The following SMU1 variants were observed in gnomAD, a reference collection of about 807,000 sequenced individuals.
The protein encoded by SMU1 is WD40 repeat-containing protein SMU1.
In SMU1, 2 loss-of-function variants were observed where a neutral mutation model predicts 62.0. The observed-to-expected ratio is 0.03, with a 90% CI of 0.01 to 0.10. SMU1 has a LOEUF of 0.10. SMU1 is among the 10% of genes least tolerant of loss of function. SMU1 has a pLI of 1.00. For missense variants in SMU1, 227 were observed against 622.1 expected (o/e 0.36, Z 6.76); for synonymous variants, 188 against 212.4 (o/e 0.89, Z 1.00).
intron 10 of SMU1, among the ~76,000 whole-genome samples, chr9:33,048,964 T>C (rs1564019132): frequency 1.3e-5 from 2 of 152,166 alleles, no homozygotes; most frequent in Non-Finnish European, 2.9e-5. Context: ...AAAATTCTGA[T>C]GAAGGATATC....
intron 4 of SMU1, among the ~76,000 whole-genome samples, chr9:33,066,956 G>C (rs960042427): frequency 1.3e-5 from 2 of 151,982 alleles, no homozygotes; most frequent in African/African-American, 4.8e-5. Flanking sequence ...AAAAGAGAAG[G>C]GCCTCAGGAA....
intron 10 of SMU1, among the ~76,000 whole-genome samples, chr9:33,049,764 CCACACACA>C (rs61036431): frequency 1.3e-5 from 2 of 148,406 alleles, no homozygotes; most frequent in Admixed American, 6.8e-5. Context: ...GACCCCATTT[CCACACACA>C]CACACACACA....
At chr9:33,069,543 G>C (rs1401066219) in intron 3 of SMU1, among the ~76,000 whole-genome samples, 1 of 152,230 alleles carries the variant, frequency 6.6e-6, no homozygotes, top group Non-Finnish European at 1.5e-5. Context: ...GCTCACGCCT[G>C]TAATCCCAAC....
At chr9:33,060,015 G>A (rs966195885) in intron 6 of SMU1, among the ~76,000 whole-genome samples, 2 of 151,972 alleles carry the variant, frequency 1.3e-5, no homozygotes, top group East Asian at 3.9e-4. Context: ...TAAACATACC[G>A]TTTTTTGCTT....
At chr9:33,053,977 T>C (rs1021508654) in intron 9 of SMU1, among the ~76,000 whole-genome samples, 5 of 152,178 alleles carry the variant, frequency 3.3e-5, no homozygotes, top group African/African-American at 1.2e-4. Context: ...AAGCTACCCT[T>C]GTCTGGATAT....
chr9:33,047,284 A>C lies in SMU1; in HGVS notation c.*9T>G, dbSNP rs768214549. Reference sequence around the variant, plus strand: ...ATGCTTTCGAGCTGATTTAAAAAGAAAAGTTGAATTATGGTTTCCAGAGCT... The same window carrying C: ...ATGCTTTCGAGCTGATTTAAAAAGACAAGTTGAATTATGGTTTCCAGAGCT... On this transcript the variant is annotated 3_prime_UTR_variant, in exon 12 of 12. Coordinates refer to ENST00000397149, the MANE Select transcript of SMU1 (RefSeq NM_018225.3). The C allele has an allele frequency of 6.3e-7, 1 of 1,586,556 alleles. No homozygotes were observed. Among genetic ancestry groups the C allele is most frequent in the South Asian group, 1.1e-5 (1 of 90,138 alleles).
intron 5 of SMU1, among the ~76,000 whole-genome samples, 186 bp downstream of exon 5, chr9:33,061,863 T>C (rs557234215): frequency 3.9e-5 from 6 of 152,370 alleles, no homozygotes; most frequent in African/African-American, 1.4e-4. Context: ...ATGACACATC[T>C]GAGGTGTACC....
rs1003788846 is a variant in SMU1, at chr9:33,076,494, T to C, written c.26+89A>G. The stretch of plus-strand genomic sequence containing the variant: ...AAATGGCCCTCCACTCCCTGGCCTC[T>C]CGGATGCCTTCTCCCGAGTACCCTC... On this transcript the variant is annotated intron_variant, in intron 1 of 11. Coordinates refer to ENST00000397149, the MANE Select transcript of SMU1 (RefSeq NM_018225.3). 4 of 1,529,210 alleles carry C rather than the reference T, an allele frequency of 2.6e-6. No individual in the cohort carries two copies. The African/African-American group carries it at 5.4e-5, about 21-fold the overall frequency. The allele number at this position is 1,529,210 out of a possible 1,614,324, so 94.7% of individuals were successfully genotyped here.
intron 5 of SMU1, among the ~76,000 whole-genome samples, chr9:33,061,198 G>A (rs1192120029): frequency 6.6e-6 from 1 of 152,108 alleles, no homozygotes; most frequent in Non-Finnish European, 1.5e-5. Flanking sequence ...AGAAAATTAG[G>A]TAGAAAGAAC....
intron 4 of SMU1, among the ~76,000 whole-genome samples, chr9:33,062,596 C>T (rs1288295364): frequency 6.6e-6 from 1 of 152,020 alleles, no homozygotes; most frequent in Non-Finnish European, 1.5e-5. Context: ...TTTATTTTCT[C>T]CTGTTTTCAC....
Position 33,048,133 on chromosome 9 carries a change from G to A in SMU1, c.1416C>T (p.Val472=). 5 of 1,614,032 alleles carry A rather than the reference G, an allele frequency of 3.1e-6. No homozygotes were observed. The highest frequency in any genetic ancestry group is 1.3e-5 in the African/African-American group (1 of 74,990). ...TCAAAGTTCTCTCCAGTTTGCCAGT[G>A]ACTGTACTGAAACAGTAGAGCACAA... The part of the protein sequence containing the change: ...EDFVLYCFST[V]TGKLERTLTV... Residue 472 remains valine (V), a synonymous_variant, in exon 11 of 12, where the codon GTC becomes GTT. Coordinates refer to ENST00000397149, the MANE Select transcript of SMU1 (RefSeq NM_018225.3).
At position 33,047,300 on chromosome 9, in the gene SMU1, T is replaced by C; in HGVS notation, c.1535A>G (p.Lys512Arg). Residue 512 changes from lysine to arginine, a missense_variant, in exon 12 of 12, where the codon AAA (lysine) becomes AGA (arginine). Lys to Arg is a conservative substitution (Grantham distance 26). Transcript: ENST00000397149. ...YSEDGLLKLW[K>R]P Reference sequence around the variant, plus strand: ...TTAAAAAGAAAAGTTGAATTATGGTTTCCAGAGCTTTAGGAGTCCATCTTC... The same window carrying C: ...TTAAAAAGAAAAGTTGAATTATGGTCTCCAGAGCTTTAGGAGTCCATCTTC... The C allele has an allele frequency of 6.2e-7, 1 of 1,605,490 alleles. No homozygotes were observed. Among genetic ancestry groups the C allele is most frequent in the South Asian group, 1.1e-5 (1 of 90,752 alleles).
At chr9:33,055,718 G>T (rs10971371) in intron 9 of SMU1, among the ~76,000 whole-genome samples, 1 of 152,120 alleles carries the variant, frequency 6.6e-6, no homozygotes, top group Non-Finnish European at 1.5e-5. Context: ...AGTGCAGTGA[G>T]GCTGTGCAAC....
At chr9:33,072,179 C>CA (rs1447270091) in intron 2 of SMU1, among the ~76,000 whole-genome samples, 2 of 151,434 alleles carry the variant, frequency 1.3e-5, no homozygotes, top group Non-Finnish European at 2.9e-5. Flanking sequence ...ACTAAAAATA[C>CA]AAAAAAAATT....
intron 1 of SMU1, 124 bp from the exon 2 acceptor site, chr9:33,073,930 T>C (rs1839513906): frequency 6.5e-6 from 6 of 927,952 alleles, no homozygotes; most frequent in Non-Finnish European, 9.5e-6. Context: ...TGAGTAAAAT[T>C]TTCCAAAATC....
chr9:33,057,081 T>C, intron 7 of SMU1, 117 bp from the exon 8 acceptor site: 2 of 1,016,774 alleles, frequency 2.0e-6, no homozygotes, highest in Non-Finnish European at 2.9e-6. Context: ...GCATTAAAAA[T>C]GCACGCTAAT....
intron 9 of SMU1, among the ~76,000 whole-genome samples, chr9:33,054,122 G>T (rs75608945): frequency 0.071 from 10,720 of 151,770 alleles, 513 homozygotes; most frequent in Non-Finnish European, 0.11. Context: ...TTGTCTCTAT[G>T]TAAAATAATT....
rs1839266517 is a variant in SMU1 at position 33,053,033 on chromosome 9, T to G, written c.1290+90A>C. The G allele has an allele frequency of 3.5e-6, 4 of 1,148,144 alleles. No homozygotes were observed. The South Asian group carries it at 5.5e-5, about 16-fold the overall frequency. The allele number at this position is 1,148,144 out of a possible 1,614,324, so 71.1% of individuals were successfully genotyped here. ...GGTTTACAGAGAAATGAACCCAAAT[T>G]TGGTTATTGGGAGGGTGGGCCTGGA... On this transcript the variant is annotated intron_variant, in intron 10 of 11. Coordinates refer to ENST00000397149, the MANE Select transcript of SMU1 (RefSeq NM_018225.3).
At chr9:33,062,951 C>G (rs1839379224) in intron 4 of SMU1, among the ~76,000 whole-genome samples, 1 of 152,162 alleles carries the variant, frequency 6.6e-6, no homozygotes, top group Non-Finnish European at 1.5e-5. Context: ...GTGTTCACAA[C>G]TGCATTATGA....
Sources: gnomAD v4.1 joint callset for allele counts (sites outside exome capture counted in the v4.1 genomes callset) on GRCh38, gnomAD v4.1.1 for gene constraint, MANE v1.5 for transcripts, NCBI Gene and HGNC (gene_info 2026-07-23, HGNC 2026-07-21) for gene names.